RFX3: variants seen among roughly 807,000 people sequenced by gnomAD.
RFX3 encodes transcription factor RFX3.
RFX3 carries 14 observed loss-of-function variants against 98.6 expected under a neutral mutation model. That is an observed-to-expected ratio of 0.14 (90% CI 0.09 to 0.22). RFX3 has a LOEUF of 0.22. Ranked by LOEUF, RFX3 falls within the 10% of genes least tolerant of loss-of-function variation. RFX3 has a pLI of 1.00. For missense variants in RFX3, 639 were observed against 926.9 expected (o/e 0.69, Z 4.03); for synonymous variants, 383 against 328.4 (o/e 1.17, Z -1.80).
At chr9:3,346,996 A>G (rs2131165880) in intron 2 of RFX3, among the ~76,000 whole-genome samples, 1 of 152,348 alleles carries the variant, frequency 6.6e-6, no homozygotes, top group East Asian at 1.9e-4. Context: ...ATAAATGTAT[A>G]GACACATTTC....
chr9:3,521,370 G>C (rs1818693400), intron 1 of RFX3, among the ~76,000 whole-genome samples: 1 of 152,080 alleles, frequency 6.6e-6, no homozygotes, highest in South Asian at 2.1e-4. Flanking sequence ...TGCCAATTAA[G>C]ATAGTATGTT....
chr9:3,372,794 C>G (rs1838013477), intron 2 of RFX3, among the ~76,000 whole-genome samples: 1 of 151,962 alleles, frequency 6.6e-6, no homozygotes, highest in African/African-American at 2.4e-5. Context: ...CCATGTTGGC[C>G]AGGCTGGTCT....
chr9:3,450,831 C>CAATT (rs1175912044), intron 1 of RFX3, among the ~76,000 whole-genome samples: 1 of 152,132 alleles, frequency 6.6e-6, no homozygotes, highest in Non-Finnish European at 1.5e-5. Context: ...TCCATTCAAT[C>CAATT]CAGTGAACTT....
At chr9:3,394,759 A>C in intron 2 of RFX3, 4 of 853,170 alleles carry the variant, frequency 4.7e-6, no homozygotes, top group Non-Finnish European at 5.6e-6. Flanking sequence ...TATATGACAT[A>C]TGATCTTTCT....
chr9:3,416,188 C>CTGCACCTAG (rs1402029088), intron 1 of RFX3, among the ~76,000 whole-genome samples: 2 of 152,240 alleles, frequency 1.3e-5, no homozygotes, highest in South Asian at 2.1e-4. Flanking sequence ...TTTATAAATA[C>CTGCACCTAG]TATCCCAGTT....
intron 2 of RFX3, among the ~76,000 whole-genome samples, chr9:3,373,943 T>TAAC (rs1199008754): frequency 2.0e-5 from 3 of 151,992 alleles, no homozygotes; most frequent in Non-Finnish European, 2.9e-5. Flanking sequence ...CCAGGAGTGG[T>TAAC]GGCATGCGCC....
chr9:3,516,535 C>G (rs1818187748), intron 1 of RFX3, among the ~76,000 whole-genome samples: 1 of 152,106 alleles, frequency 6.6e-6, no homozygotes, highest in Non-Finnish European at 1.5e-5. Flanking sequence ...GCTTTCCAGA[C>G]CAGGGACCCC....
chr9:3,343,617 T>G (rs564426569), intron 3 of RFX3, among the ~76,000 whole-genome samples: 2 of 152,238 alleles, frequency 1.3e-5, no homozygotes. Flanking sequence ...AAAATACTTA[T>G]GGTCGCTAGT....
chr9:3,262,184 T>A (rs1277817055), intron 13 of RFX3, among the ~76,000 whole-genome samples: 2 of 152,184 alleles, frequency 1.3e-5, no homozygotes, highest in African/African-American at 2.4e-5. Context: ...TTGTTGCTTA[T>A]GCTTTTGGTG....
rs1825830261 is a variant in RFX3, at chr9:3,280,805, C to T, written c.852-3344G>A. Among the ~76,000 whole-genome samples the T allele has an allele frequency of 1.3e-5, 2 of 151,718 alleles. 1 individual carries two copies. The highest frequency in any genetic ancestry group is 4.1e-4 in the South Asian group (2 of 4,826). ...ATTCTAACAAGTTTCTGAGGTATTT[C>T]TTAAGTAGGTAGTACAGCCTAATCC... On this transcript the variant is annotated intron_variant, in intron 7 of 16. Transcript: ENST00000617270.
chr9:3,520,181 T>TAAAAA, intron 1 of RFX3, among the ~76,000 whole-genome samples: 1 of 152,316 alleles, frequency 6.6e-6, no homozygotes, highest in East Asian at 1.9e-4. Flanking sequence ...GAAAAATGCC[T>TAAAAA]AACCTATTTT....
rs1278846150 is a variant in RFX3, at chr9:3,218,617, G to A, written c.*6425C>T. On this transcript the variant is annotated 3_prime_UTR_variant, in exon 17 of 17. Transcript: ENST00000617270. ...TCACAAAAATCACATCAGGAAATAC[G>A]TATTTACAAAATCAAATACATTATA... 3 of 152,030 alleles carry A rather than the reference G, an allele frequency of 2.0e-5. No homozygotes were observed. Among genetic ancestry groups the A allele is most frequent in the East Asian group, 1.9e-4 (1 of 5,196 alleles). The allele number at this position is 152,030 out of a possible 1,614,324, so 9.4% of individuals were successfully genotyped here.
At chr9:3,293,339 C>T (rs1440040733) in intron 5 of RFX3, 81 bp from the exon 6 acceptor site, 1 of 983,878 alleles carries the variant, frequency 1.0e-6, no homozygotes, top group Non-Finnish European at 1.5e-6. Context: ...ATGCAACATA[C>T]AGAAATACTT....
chr9:3,475,593 G>A (rs1373378106), intron 1 of RFX3, among the ~76,000 whole-genome samples: 1 of 152,148 alleles, frequency 6.6e-6, no homozygotes, highest in Non-Finnish European at 1.5e-5. Flanking sequence ...AATAGCATAC[G>A]CTATTATTTC....
chr9:3,492,369 G>T (rs1484407680), intron 1 of RFX3, among the ~76,000 whole-genome samples: 1 of 152,212 alleles, frequency 6.6e-6, no homozygotes, highest in East Asian at 1.9e-4. Context: ...TCAGGCGAGA[G>T]GGCCCATTGC....
chr9:3,398,914 T>TAAAAAAAAAAAAAA (rs71324247), intron 1 of RFX3, among the ~76,000 whole-genome samples: 29 of 67,554 alleles, frequency 4.3e-4, no homozygotes, highest in African/African-American at 1.0e-3. Flanking sequence ...TAGAGTATAA[T>TAAAAAAAAAAAAAA]AAAAAAAAAA....
chr9:3,339,301 G>T (rs1479365070), intron 3 of RFX3, among the ~76,000 whole-genome samples: 2 of 152,062 alleles, frequency 1.3e-5, no homozygotes, highest in South Asian at 2.1e-4. Context: ...AGAGGTCAGG[G>T]AAATAAATAT....
intron 2 of RFX3, among the ~76,000 whole-genome samples, chr9:3,355,272 G>A (rs1028774711): frequency 6.6e-6 from 1 of 151,856 alleles, no homozygotes; most frequent in Admixed American, 6.6e-5. Context: ...AATTGTCAGA[G>A]TGGGTAAAAA....
chr9:3,299,915 G>A (rs182011226), intron 5 of RFX3, among the ~76,000 whole-genome samples: 11 of 151,402 alleles, frequency 7.3e-5, no homozygotes, highest in Non-Finnish European at 1.3e-4. Flanking sequence ...ATTTTACTAA[G>A]TTATTCATGT....
Sources: allele counts gnomAD v4.1 joint callset (sites outside exome capture counted in the v4.1 genomes callset), GRCh38; gene constraint gnomAD v4.1.1; transcripts MANE v1.5; gene names NCBI Gene and HGNC (gene_info 2026-07-23, HGNC 2026-07-21).